The following RDH12 variants were observed in gnomAD, a reference collection of about 807,000 sequenced individuals.
RDH12 encodes retinol dehydrogenase 12, also known as all-trans and 9-cis retinol dehydrogenase.
In RDH12, 21 loss-of-function variants were observed where a neutral mutation model predicts 34.0. The observed-to-expected ratio is 0.62, with a 90% CI of 0.44 to 0.89. The LOEUF is 0.89. Ranked by LOEUF, RDH12 falls within the 40% of genes least tolerant of loss-of-function variation. RDH12 has a pLI of 0.00. For synonymous variants in RDH12, 198 were observed against 169.9 expected (o/e 1.17, Z -1.29); for missense variants, 394 against 398.6 (o/e 0.99, Z 0.10).
intron 3 of RDH12, among the ~76,000 whole-genome samples, chr14:67,724,014 T>C (rs2038155150): frequency 6.6e-6 from 1 of 152,236 alleles, no homozygotes; most frequent in South Asian, 2.1e-4. Flanking sequence ...CTAAGAGCAG[T>C]ACCTGTGTGT....
chr14:67,729,048 C>T, intron 7 of RDH12, 143 bp from the exon 8 acceptor site: 1 of 841,262 alleles, frequency 1.2e-6, no homozygotes. Flanking sequence ...CAAATTCCGC[C>T]TGGCCAGGAG....
At position 67,725,251 on chromosome 14, in the gene RDH12, G is replaced by C; in HGVS notation, c.340G>C (p.Ala114Pro). Residue 114 changes from alanine to proline, a missense_variant, in exon 5 of 9, where the codon GCA (alanine) becomes CCA (proline). Ala to Pro is a conservative substitution (Grantham distance 27). Coordinates refer to ENST00000551171, the MANE Select transcript of RDH12 (RefSeq NM_152443.3). ...CCGAGCCTTTGCTGAGGGCTTTCTGGCAGGTGAGGTCCTGATGGGTAGGTA... is the reference window on the plus strand; with the variant it reads ...CCGAGCCTTTGCTGAGGGCTTTCTGCCAGGTGAGGTCCTGATGGGTAGGTA... ...SIRAFAEGFL[A>P]EEKQLHILIN... 6.2e-7 allele frequency: 1 copy of C among 1,613,128 alleles called. No individual in the cohort carries two copies. Among genetic ancestry groups the C allele is most frequent in the Non-Finnish European group, 8.5e-7 (1 of 1,179,988 alleles).
intron 3 of RDH12, among the ~76,000 whole-genome samples, 195 bp downstream of exon 3, chr14:67,722,905 T>C (rs1438425150): frequency 6.6e-6 from 1 of 151,584 alleles, no homozygotes; most frequent in African/African-American, 2.4e-5. Context: ...CGGGCAGAGG[T>C]GGGGCTGAGT....
chr14:67,730,756 A>G (rs556888906), intron 8 of RDH12, among the ~76,000 whole-genome samples: 72 of 152,192 alleles, frequency 4.7e-4, no homozygotes, highest in African/African-American at 1.6e-3. Context: ...GGTGCCCGCC[A>G]CCACACCTGA....
chr14:67,702,792 A>G (rs1036214560), intron 1 of RDH12, among the ~76,000 whole-genome samples: 1 of 152,184 alleles, frequency 6.6e-6, no homozygotes, highest in East Asian at 1.9e-4. Flanking sequence ...ATATATGCAC[A>G]AATAGAGATC....
At chr14:67,718,714 C>T (rs1227814483) in intron 1 of RDH12, among the ~76,000 whole-genome samples, 1 of 152,082 alleles carries the variant, frequency 6.6e-6, no homozygotes. Flanking sequence ...TATATCTGTC[C>T]CAGATTGAAA....
chr14:67,719,271 G>A (rs1197075025), intron 1 of RDH12, among the ~76,000 whole-genome samples: 1 of 152,188 alleles, frequency 6.6e-6, no homozygotes, highest in African/African-American at 2.4e-5. Flanking sequence ...TTCAATGTCA[G>A]TATTAATCAG....
At chr14:67,702,519 T>TCCC (rs2037910139) in intron 1 of RDH12, among the ~76,000 whole-genome samples, 1 of 152,188 alleles carries the variant, frequency 6.6e-6, no homozygotes, top group Non-Finnish European at 1.5e-5. Flanking sequence ...CCCTGTAAAA[T>TCCC]ATTTAATAAG....
chr14:67,728,285 T>G (rs2038215894), intron 7 of RDH12: 1 of 152,196 alleles, frequency 6.6e-6, no homozygotes, highest in African/African-American at 2.4e-5. Context: ...ATTGAGAGGT[T>G]TATGTGTGCC....
At chr14:67,726,940 G>A in intron 6 of RDH12, 41 bp from the exon 7 acceptor site, 6 of 1,581,222 alleles carry the variant, frequency 3.8e-6, no homozygotes, top group Admixed American at 1.7e-5. Flanking sequence ...AGCCTGGGCT[G>A]TCATTCCACT....
intron 8 of RDH12, among the ~76,000 whole-genome samples, chr14:67,733,342 A>T: frequency 6.6e-6 from 1 of 152,144 alleles, no homozygotes; most frequent in East Asian, 1.9e-4. Context: ...TCCAACTGAG[A>T]TTTGGCATTT....
chr14:67,732,167 C>T (rs903538203), intron 8 of RDH12, among the ~76,000 whole-genome samples: 4 of 146,332 alleles, frequency 2.7e-5, no homozygotes, highest in Non-Finnish European at 4.5e-5. Context: ...CTGGGTGTGG[C>T]GGCTCATGCC....
In RDH12 at chr14:67,734,010, C is replaced by A. The variant is rs1267161215; in HGVS notation, c.*162C>A. ...CTTCTGGGAATGTTTGCACACCTGACACTCTTGTGAGACTGGCTTATGGCA... is the reference window on the plus strand; with the variant it reads ...CTTCTGGGAATGTTTGCACACCTGAAACTCTTGTGAGACTGGCTTATGGCA... On this transcript the variant is annotated 3_prime_UTR_variant, in exon 9 of 9. Coordinates refer to ENST00000551171, the MANE Select transcript of RDH12 (RefSeq NM_152443.3). 5.0e-6 allele frequency: 3 copies of A among 598,244 alleles called. No homozygotes were observed. Among genetic ancestry groups the A allele is most frequent in the African/African-American group, 1.8e-5 (1 of 54,240 alleles). The allele number at this position is 598,244 out of a possible 1,614,324, so 37.1% of individuals were successfully genotyped here.
At chr14:67,719,926 C>G (rs1375883978) in intron 1 of RDH12, among the ~76,000 whole-genome samples, 1 of 152,096 alleles carries the variant, frequency 6.6e-6, no homozygotes, top group Non-Finnish European at 1.5e-5. Context: ...ATATACAATG[C>G]TATAATGGTA....
intron 4 of RDH12, 74 bp from the exon 5 acceptor site, chr14:67,725,024 TC>T (rs2038168222): frequency 8.5e-6 from 13 of 1,521,886 alleles, no homozygotes; most frequent in Non-Finnish European, 1.2e-5. Context: ...TGTCCCCCAG[TC>T]CCAAGCTCAC....
intron 7 of RDH12, 130 bp downstream of exon 7, chr14:67,727,320 T>G: frequency 2.6e-6 from 2 of 774,100 alleles, no homozygotes; most frequent in Admixed American, 2.0e-5. Flanking sequence ...GAGAATGAAA[T>G]TATGAATGGA....
intron 1 of RDH12, among the ~76,000 whole-genome samples, chr14:67,708,918 G>A (rs934974118): frequency 2.0e-5 from 3 of 151,270 alleles, no homozygotes; most frequent in South Asian, 4.2e-4. Flanking sequence ...TCAGCCTCAC[G>A]AGTAGCTGGG....
Position 67,729,178 on chromosome 14 carries a change from C to A in RDH12, c.659-13C>A, listed in dbSNP as rs751491377. 6 of 1,612,676 alleles carry A rather than the reference C, an allele frequency of 3.7e-6. No individual in the cohort carries two copies. The highest frequency in any genetic ancestry group is 5.1e-6 in the Non-Finnish European group (6 of 1,179,886). On this transcript the variant is annotated splice_polypyrimidine_tract_variant and intron_variant, in intron 7 of 8. Transcript: ENST00000551171. ...AGTGTGTCCCTGATCTAATTGTGCC[C>A]TCTTTGTCCCAGGCACCGGGGTCAC... is the stretch of plus-strand genomic sequence containing the variant.
intron 1 of RDH12, among the ~76,000 whole-genome samples, chr14:67,719,729 C>T (rs982831090): frequency 3.3e-5 from 5 of 152,122 alleles, no homozygotes; most frequent in East Asian, 1.9e-4. Flanking sequence ...CCTCCTGCCT[C>T]GGTTTCCCAA....
Sources: allele counts gnomAD v4.1 joint callset (sites outside exome capture counted in the v4.1 genomes callset), GRCh38; gene constraint gnomAD v4.1.1; transcripts MANE v1.5; gene names NCBI Gene and HGNC (gene_info 2026-07-23, HGNC 2026-07-21).